Variants in FHIT observed in about 807,000 individuals in gnomAD.
The protein encoded by FHIT is fragile histidine triad diadenosine triphosphatase, also known as bis(5'-adenosyl)-triphosphatase.
Under a neutral mutation model 17.9 loss-of-function variants are expected in FHIT, and 19 were observed. The ratio of observed to expected loss-of-function variants is 1.06; its 90% CI spans 0.74 to 1.56. FHIT has a LOEUF of 1.56. FHIT is among the 40% of genes most tolerant of loss of function. FHIT has a pLI of 0.00. For synonymous variants in FHIT, 81 were observed against 69.7 expected, an observed-to-expected ratio of 1.16 and a Z score of -0.81; for missense variants, 248 against 189.2, an observed-to-expected ratio of 1.31 and a Z score of -1.82.
At chr3:60,765,784 C>T (rs1699831048) in intron 4 of FHIT, among the ~76,000 whole-genome samples, 6 of 152,198 alleles carry the variant, frequency 3.9e-5, no homozygotes, top group African/African-American at 1.4e-4. Context: ...GGGTGGGTAC[C>T]ATCCGATCGG....
At chr3:61,015,266 C>T (rs1360588194) in intron 3 of FHIT, among the ~76,000 whole-genome samples, 1 of 152,004 alleles carries the variant, frequency 6.6e-6, no homozygotes, top group Non-Finnish European at 1.5e-5. Flanking sequence ...TCTGCAGATT[C>T]GAAGGGGGAT....
chr3:61,005,009 C>T (rs1575824997), intron 3 of FHIT, among the ~76,000 whole-genome samples: 1 of 152,064 alleles, frequency 6.6e-6, no homozygotes, highest in African/African-American at 2.4e-5. Context: ...AGAGGTACAG[C>T]AGAGAGGGAG....
At chr3:61,034,707 G>A (rs747821528) in intron 3 of FHIT, among the ~76,000 whole-genome samples, 1 of 152,192 alleles carries the variant, frequency 6.6e-6, no homozygotes, top group Non-Finnish European at 1.5e-5. Flanking sequence ...CTTAGCCACT[G>A]TGGAAAATAG....
At chr3:60,645,778 T>A (rs553713272) in intron 4 of FHIT, among the ~76,000 whole-genome samples, 1 of 152,264 alleles carries the variant, frequency 6.6e-6, no homozygotes, top group Non-Finnish European at 1.5e-5. Context: ...TATAACAACT[T>A]CAAATAGTTA....
chr3:60,296,847 T>C (rs1708233912), intron 5 of FHIT, among the ~76,000 whole-genome samples: 1 of 151,774 alleles, frequency 6.6e-6, no homozygotes, highest in South Asian at 2.1e-4. Flanking sequence ...AGGTATAGGT[T>C]AATTTTTTTT....
chr3:60,154,084 C>T (rs1283316067), intron 5 of FHIT, among the ~76,000 whole-genome samples: 4 of 152,188 alleles, frequency 2.6e-5, no homozygotes, highest in Non-Finnish European at 5.9e-5. Flanking sequence ...CAAGGCCTCC[C>T]TGGAAAGTAA....
chr3:60,940,615 A>C (rs1197368666), intron 3 of FHIT, among the ~76,000 whole-genome samples: 3 of 152,170 alleles, frequency 2.0e-5, no homozygotes, highest in African/African-American at 7.2e-5. Flanking sequence ...TGACATCTTT[A>C]TCAATCACTT....
intron 7 of FHIT, among the ~76,000 whole-genome samples, chr3:59,986,300 C>T (rs531844899): frequency 5.3e-5 from 8 of 151,464 alleles, no homozygotes; most frequent in East Asian, 2.0e-4. Context: ...AACGGCACCC[C>T]CTTTGGAAGG....
chr3:60,128,949 A>G (rs764256355), intron 5 of FHIT, among the ~76,000 whole-genome samples: 2 of 152,076 alleles, frequency 1.3e-5, no homozygotes, highest in Non-Finnish European at 2.9e-5. Context: ...TTTGTTTTTA[A>G]CAACGTAATT....
chr3:60,308,736 G>A (rs1284262839), intron 5 of FHIT, among the ~76,000 whole-genome samples: 1 of 152,022 alleles, frequency 6.6e-6, no homozygotes, highest in Non-Finnish European at 1.5e-5. Context: ...GGTTACCGAT[G>A]ATTCACTAAA....
chr3:61,007,017 G>T (rs911746925), intron 3 of FHIT, among the ~76,000 whole-genome samples: 1 of 152,114 alleles, frequency 6.6e-6, no homozygotes, highest in African/African-American at 2.4e-5. Context: ...AATATTAATT[G>T]TTGCCTCTTT....
chr3:61,070,245 T>C (rs1448648906), intron 2 of FHIT, among the ~76,000 whole-genome samples: 1 of 152,134 alleles, frequency 6.6e-6, no homozygotes, highest in African/African-American at 2.4e-5. Flanking sequence ...ATTTAGCCAA[T>C]AAACTATTTG....
intron 2 of FHIT, among the ~76,000 whole-genome samples, chr3:61,081,792 G>A (rs758513550): frequency 1.3e-5 from 2 of 152,142 alleles, no homozygotes; most frequent in Non-Finnish European, 2.9e-5. Context: ...TGTAATGACA[G>A]TATTTCCAAA....
intron 5 of FHIT, among the ~76,000 whole-genome samples, chr3:60,338,636 C>T (rs1710361735): frequency 1.3e-5 from 2 of 152,176 alleles, no homozygotes; most frequent in Non-Finnish European, 2.9e-5. Flanking sequence ...CTTGCAGTTA[C>T]TAGACCACTT....
At chr3:60,358,599 A>C (rs1699771717) in intron 5 of FHIT, among the ~76,000 whole-genome samples, 1 of 152,240 alleles carries the variant, frequency 6.6e-6, no homozygotes, top group African/African-American at 2.4e-5. Context: ...AATCAGCTTT[A>C]TTTCAGAAAG....
At chr3:60,182,989 T>TC (rs1174755569) in intron 5 of FHIT, among the ~76,000 whole-genome samples, 12 of 151,822 alleles carry the variant, frequency 7.9e-5, no homozygotes, top group African/African-American at 2.4e-4. Flanking sequence ...CCATGACAAC[T>TC]CCCCCTCTGC....
chr3:60,850,731 C>T (rs1703122561), intron 3 of FHIT, among the ~76,000 whole-genome samples: 1 of 152,134 alleles, frequency 6.6e-6, no homozygotes, highest in Non-Finnish European at 1.5e-5. Flanking sequence ...TCAGCTGACC[C>T]AGAACACCAG....
chr3:60,443,848 C>T (rs569721929), intron 5 of FHIT, among the ~76,000 whole-genome samples: 8 of 151,986 alleles, frequency 5.3e-5, no homozygotes, highest in East Asian at 3.9e-4. Flanking sequence ...AAATGGGATC[C>T]AATTAAACTA....
At chr3:60,735,585 T>C (rs1468803980) in intron 4 of FHIT, among the ~76,000 whole-genome samples, 1 of 152,206 alleles carries the variant, frequency 6.6e-6, no homozygotes, top group Non-Finnish European at 1.5e-5. Context: ...CTAGCGGCCA[T>C]CTAACCACTA....
Sources: gnomAD v4.1 joint callset for allele counts (sites outside exome capture counted in the v4.1 genomes callset) on GRCh38, gnomAD v4.1.1 for gene constraint, MANE v1.5 for transcripts, NCBI Gene and HGNC (gene_info 2026-07-23, HGNC 2026-07-21) for gene names.